Variants in DOCK10 observed in about 807,000 individuals in gnomAD.
The protein encoded by DOCK10 is dedicator of cytokinesis protein 10.
DOCK10 carries 145 observed loss-of-function variants against 280.1 expected under a neutral mutation model. The observed-to-expected ratio is 0.52, with a 90% CI of 0.45 to 0.59. DOCK10 has a LOEUF of 0.59. DOCK10 is among the 20% of genes least tolerant of loss of function. The probability of loss-of-function intolerance (pLI) is 0.00; values close to 1 mark genes in which losing one functional copy is unlikely to be tolerated. For missense variants in DOCK10, 2,368 were observed against 2,651.7 expected (o/e 0.89, Z 2.35); for synonymous variants, 915 against 942.2 (o/e 0.97, Z 0.53).
chr2:224,968,878 TTAAC>T (rs1459124662), intron 1 of DOCK10, among the ~76,000 whole-genome samples: 23 of 152,222 alleles, frequency 1.5e-4, no homozygotes, highest in Non-Finnish European at 2.2e-4. Context: ...GAACGTCTCT[TTAAC>T]TGACTGTAAC....
At chr2:225,025,682 C>G (rs1224426133) in intron 1 of DOCK10, among the ~76,000 whole-genome samples, 1 of 152,072 alleles carries the variant, frequency 6.6e-6, no homozygotes, top group African/African-American at 2.4e-5. Context: ...ACCGAAATGC[C>G]TGGGCTCTTG....
In DOCK10 at chr2:224,970,568, T is replaced by A. The variant is rs1475677995; in HGVS notation, c.124-38900A>T. Reference sequence around the variant, plus strand: ...TCCCAAAATAGAATTCTATAAACCCTTCAATCCGAAGAGATTACAACAAAG... The same window carrying A: ...TCCCAAAATAGAATTCTATAAACCCATCAATCCGAAGAGATTACAACAAAG... On this transcript the variant is annotated intron_variant, in intron 1 of 55. Coordinates refer to ENST00000258390, the MANE Select transcript of DOCK10 (RefSeq NM_014689.3). This position sits in a 1 kb window ranked among gnomAD's most constrained non-coding sequence, Gnocchi z 4.6. Among the ~76,000 whole-genome samples the A allele has an allele frequency of 6.6e-6, 1 of 152,208 alleles. No individual in the cohort carries two copies. Among genetic ancestry groups the A allele is most frequent in the East Asian group, 1.9e-4 (1 of 5,202 alleles).
intron 14 of DOCK10, chr2:224,862,068 G>T (rs1697539299): frequency 6.6e-6 from 1 of 152,284 alleles, no homozygotes; most frequent in Non-Finnish European, 1.5e-5. Flanking sequence ...AGCAATTATG[G>T]TTCTTCATGA....
At chr2:224,849,731 G>T (rs1696603120) in intron 18 of DOCK10, 132 bp from the exon 19 acceptor site, 1 of 632,752 alleles carries the variant, frequency 1.6e-6, no homozygotes, top group Non-Finnish European at 2.8e-6. Flanking sequence ...AGGCTAAGCT[G>T]GCATCTAATT....
chr2:224,996,024 AG>A (rs1706264241), intron 1 of DOCK10, among the ~76,000 whole-genome samples: 1 of 152,210 alleles, frequency 6.6e-6, no homozygotes, highest in Admixed American at 6.5e-5. Context: ...TGAGTCAACT[AG>A]TAAGTTATCC....
At chr2:224,913,498 G>C (rs1701145557) in intron 3 of DOCK10, among the ~76,000 whole-genome samples, 1 of 152,112 alleles carries the variant, frequency 6.6e-6, no homozygotes, top group Admixed American at 6.5e-5. Flanking sequence ...ATTTATATGT[G>C]AGTGTGTGTG....
chr2:224,797,662 A>C (rs553263507), intron 42 of DOCK10, among the ~76,000 whole-genome samples, 170 bp downstream of exon 42: 1 of 152,334 alleles, frequency 6.6e-6, no homozygotes, highest in East Asian at 1.9e-4. Context: ...CAGATTGTCA[A>C]GGCTGTGCAC....
At chr2:224,954,176 G>C (rs1361715952) in intron 1 of DOCK10, among the ~76,000 whole-genome samples, 1 of 152,148 alleles carries the variant, frequency 6.6e-6, no homozygotes, top group African/African-American at 2.4e-5. Flanking sequence ...AATTTGATGG[G>C]AGAGGGGTTT....
chr2:224,857,159 CTTTAA>C (rs780628310), intron 14 of DOCK10, among the ~76,000 whole-genome samples, 177 bp from the exon 15 acceptor site: 10 of 152,214 alleles, frequency 6.6e-5, no homozygotes, highest in South Asian at 2.1e-4. Context: ...TTTTTGTTAT[CTTTAA>C]TTTATTATTT....
At chr2:224,894,839 C>A (rs1164931265) in intron 4 of DOCK10, among the ~76,000 whole-genome samples, 1 of 152,226 alleles carries the variant, frequency 6.6e-6, no homozygotes, top group Non-Finnish European at 1.5e-5. Context: ...CCTGCAGTCC[C>A]ATTCTCCATA....
Position 224,865,016 on chromosome 2 carries a change from A to G in DOCK10, c.1329T>C (p.His443=). ...RDSRKISADF[H]VDLNHAAVRQ... ...TGACAGCAGCATGGTTTAGATCCAC[A>G]TGAAAATCAGCAGAAATCTTCCTGC... Residue 443 remains histidine (H), a synonymous_variant, in exon 12 of 56, where the codon CAT becomes CAC. Transcript: ENST00000258390. The G allele has an allele frequency of 6.2e-7, 1 of 1,614,030 alleles. No homozygotes were observed. Among genetic ancestry groups the G allele is most frequent in the Non-Finnish European group, 8.5e-7 (1 of 1,179,888 alleles).
At chr2:225,002,130 G>A (rs1706447198) in intron 1 of DOCK10, among the ~76,000 whole-genome samples, 3 of 152,240 alleles carry the variant, frequency 2.0e-5, no homozygotes, top group African/African-American at 7.2e-5. Flanking sequence ...GAGGAAAAGT[G>A]AGTTAGAGTA....
rs139394216 is a variant in DOCK10 at position 224,805,207 on chromosome 2, G to A, written c.4050C>T (p.Tyr1350=). The change falls in exon 36 of 56, where the codon TAC becomes TAT. Residue 1350 remains tyrosine, a splice_region_variant and synonymous_variant. Coordinates refer to ENST00000258390, the MANE Select transcript of DOCK10 (RefSeq NM_014689.3). The surrounding 1 kb of genome is among the most constrained non-coding windows in gnomAD (Gnocchi z 4.3). ...CFLHIMKTIS[Y]ETLIAYWQRA... ...AAAAAATTAAAGAATTCTCTTTACC[G>A]TACGAAATCGTTTTCATAATGTGAA... The A allele has an allele frequency of 4.3e-4, 695 of 1,608,082 alleles. No individual in the cohort carries two copies. The highest frequency in any genetic ancestry group is 5.2e-4 in the Non-Finnish European group (615 of 1,177,390).
Position 224,834,130 on chromosome 2 carries a change from G to A in DOCK10, c.2964+20C>T. On this transcript the variant is annotated intron_variant, in intron 26 of 55. Coordinates refer to ENST00000258390, the MANE Select transcript of DOCK10 (RefSeq NM_014689.3). Reference sequence around the variant, plus strand: ...CCATGCCTAGTACTCACAGTTAAAGGACCATCTTTAAATTCTTACCTTTAG... The same window carrying A: ...CCATGCCTAGTACTCACAGTTAAAGAACCATCTTTAAATTCTTACCTTTAG... The A allele has an allele frequency of 4.2e-6, 6 of 1,428,132 alleles. No homozygotes were observed. Among genetic ancestry groups the A allele is most frequent in the Non-Finnish European group, 5.9e-6 (6 of 1,011,318 alleles). The allele number at this position is 1,428,132 out of a possible 1,614,324, so 88.5% of individuals were successfully genotyped here. A position where few individuals can be genotyped will look rare whatever the true frequency, so the allele number is the denominator to read the frequency against.
intron 15 of DOCK10, among the ~76,000 whole-genome samples, chr2:224,856,480 G>T (rs1451588969): frequency 6.6e-6 from 1 of 152,154 alleles, no homozygotes; most frequent in Non-Finnish European, 1.5e-5. Flanking sequence ...TCTCTGAAGT[G>T]GATCCTCTGA....
intron 1 of DOCK10, among the ~76,000 whole-genome samples, chr2:225,015,639 C>T (rs1222575956): frequency 6.6e-6 from 1 of 152,136 alleles, no homozygotes; most frequent in Non-Finnish European, 1.5e-5. Flanking sequence ...AGAAACGAGG[C>T]TCTTGGGAAT....
intron 1 of DOCK10, among the ~76,000 whole-genome samples, chr2:225,037,857 G>C (rs1228520698): frequency 6.6e-6 from 1 of 152,062 alleles, no homozygotes; most frequent in African/African-American, 2.4e-5. Context: ...GAACCTACTT[G>C]TGGTTACTAT....
chr2:224,778,359 T>G, intron 50 of DOCK10, 75 bp from the exon 51 acceptor site: 1 of 1,437,698 alleles, frequency 7.0e-7, no homozygotes, highest in Non-Finnish European at 9.5e-7. Context: ...AAAAGCCATT[T>G]ACTTAAAAAA....
chr2:224,943,050 A>G (rs879893120), intron 1 of DOCK10, among the ~76,000 whole-genome samples: 4 of 152,194 alleles, frequency 2.6e-5, no homozygotes, highest in Non-Finnish European at 5.9e-5. Flanking sequence ...CATACTGAAG[A>G]ATTTTAGTTA....
Sources: gnomAD v4.1 joint callset for allele counts (sites outside exome capture counted in the v4.1 genomes callset) on GRCh38, gnomAD v4.1.1 for gene constraint, Gnocchi (gnomAD v3.1) non-coding constraint, MANE v1.5 for transcripts, NCBI Gene and HGNC (gene_info 2026-07-23, HGNC 2026-07-21) for gene names.